Variants in NEDD8 observed in about 807,000 individuals in gnomAD.
NEDD8 encodes the protein NEDD8 ubiquitin like modifier.
A neutral mutation model predicts 13.8 loss-of-function variants in NEDD8; 1 was observed. The ratio of observed to expected loss-of-function variants is 0.07; its 90% CI spans 0.03 to 0.34. The LOEUF (loss-of-function observed/expected upper bound fraction) is 0.34, where lower values mean the gene tolerates loss of function less well. Ranked by LOEUF, NEDD8 falls within the 10% of genes least tolerant of loss-of-function variation. The probability of loss-of-function intolerance (pLI) is 0.99; values close to 1 mark genes in which losing one functional copy is unlikely to be tolerated. For missense variants in NEDD8, 10 were observed against 95.2 expected, an observed-to-expected ratio of 0.10 and a Z score of 3.73; for synonymous variants, 31 against 33.2, an observed-to-expected ratio of 0.93 and a Z score of 0.23.
chr14:24,226,155 C>T (rs550693638), intron 1 of NEDD8, among the ~76,000 whole-genome samples: 1 of 151,596 alleles, frequency 6.6e-6, no homozygotes, highest in African/African-American at 2.4e-5. Context: ...GATGTACAAC[C>T]AAGAAACAAT....
intron 1 of NEDD8, among the ~76,000 whole-genome samples, chr14:24,223,508 C>T (rs954585080): frequency 3.3e-5 from 5 of 151,916 alleles, no homozygotes; most frequent in African/African-American, 1.2e-4. Flanking sequence ...ATTTATACAC[C>T]CAACTTGTTC....
chr14:24,221,679 C>T (rs2039812587), intron 1 of NEDD8, among the ~76,000 whole-genome samples: 1 of 152,122 alleles, frequency 6.6e-6, no homozygotes, highest in Non-Finnish European at 1.5e-5. Context: ...CACCCTGCAA[C>T]CTCTGCCTCC....
At chr14:24,229,262 C>T (rs1360313549) in intron 1 of NEDD8, among the ~76,000 whole-genome samples, 1 of 152,204 alleles carries the variant, frequency 6.6e-6, no homozygotes, top group South Asian at 2.1e-4. Flanking sequence ...CTCTGTTGCC[C>T]AGGCTGGAGT....
intron 1 of NEDD8, among the ~76,000 whole-genome samples, chr14:24,230,769 C>G (rs1203592211): frequency 6.6e-6 from 1 of 151,902 alleles, no homozygotes; most frequent in African/African-American, 2.4e-5. Context: ...AGGCGCCCAC[C>G]ACCACGCCCG....
At chr14:24,230,466 C>A (rs1204540552) in intron 1 of NEDD8, among the ~76,000 whole-genome samples, 6 of 127,056 alleles carry the variant, frequency 4.7e-5, no homozygotes, top group Non-Finnish European at 9.5e-5. Flanking sequence ...ACCCGGGAGG[C>A]GAAGCTTGCA....
intron 1 of NEDD8, among the ~76,000 whole-genome samples, chr14:24,219,264 C>G (rs1001443043): frequency 5.9e-5 from 9 of 151,306 alleles, no homozygotes; most frequent in Non-Finnish European, 1.2e-4. Context: ...GAGTTCCAGA[C>G]CAGCCTGGAC....
intron 1 of NEDD8, among the ~76,000 whole-genome samples, chr14:24,230,614 T>C (rs1288471220): frequency 1.3e-5 from 2 of 149,388 alleles, no homozygotes; most frequent in African/African-American, 2.5e-5. Flanking sequence ...CCCTCTCTCT[T>C]TCTTTTTTTT....
chr14:24,227,784 CAG>C (rs2039917864), intron 1 of NEDD8: 1 of 152,176 alleles, frequency 6.6e-6, no homozygotes, highest in African/African-American at 2.4e-5. Flanking sequence ...GTCAGCTACA[CAG>C]AGACAGCAGT....
chr14:24,224,751 A>G (rs2039862062), intron 1 of NEDD8, among the ~76,000 whole-genome samples: 1 of 152,224 alleles, frequency 6.6e-6, no homozygotes. Flanking sequence ...GGAAGTACAT[A>G]CCACATCACC....
intron 1 of NEDD8, among the ~76,000 whole-genome samples, chr14:24,226,400 C>T (rs576240476): frequency 1.4e-5 from 2 of 146,314 alleles, no homozygotes; most frequent in African/African-American, 5.1e-5. Context: ...GAGCCGAGAT[C>T]GTGCCACCGC....
chr14:24,224,136 A>G (rs1335219215), intron 1 of NEDD8, among the ~76,000 whole-genome samples: 1 of 152,126 alleles, frequency 6.6e-6, no homozygotes, highest in Non-Finnish European at 1.5e-5. Flanking sequence ...TCACTGTGTT[A>G]GCCAGGATGG....
Position 24,216,996 on chromosome 14 carries a change from G to T in NEDD8, c.*131C>A. On this transcript the variant is annotated 3_prime_UTR_variant, in exon 4 of 4. Coordinates refer to ENST00000250495, the MANE Select transcript of NEDD8 (RefSeq NM_006156.3). ...AATACTGAATCCTGGGATCCTCACA[G>T]TCTCCCACCAGTAGACATACATTAC... 1.4e-6 allele frequency: 1 copy of T among 735,328 alleles called. No individual in the cohort carries two copies. The highest frequency in any genetic ancestry group is 2.2e-6 in the Non-Finnish European group (1 of 446,866). 45.6% of individuals were successfully genotyped at this position (735,328 alleles called of 1,614,324 possible). A position where few individuals can be genotyped will look rare whatever the true frequency, so the allele number is the denominator to read the frequency against.
chr14:24,225,995 C>T (rs192553642), intron 1 of NEDD8, among the ~76,000 whole-genome samples: 6 of 150,664 alleles, frequency 4.0e-5, no homozygotes, highest in Admixed American at 2.6e-4. Context: ...GCAGGGATCA[C>T]GCCACTGCAC....
chr14:24,228,581 T>C (rs2039935421), intron 1 of NEDD8: 1 of 151,722 alleles, frequency 6.6e-6, no homozygotes, highest in South Asian at 2.1e-4. Flanking sequence ...CTGGGTATGG[T>C]GGTAGCACAC....
intron 1 of NEDD8, chr14:24,231,830 GA>G (rs1430627179): frequency 5.5e-6 from 1 of 181,034 alleles, no homozygotes; most frequent in Non-Finnish European, 1.2e-5. Flanking sequence ...GCTGTGCTCG[GA>G]GGCGACCTAC....
At chr14:24,230,260 G>A (rs1296432936) in intron 1 of NEDD8, among the ~76,000 whole-genome samples, 1 of 145,498 alleles carries the variant, frequency 6.9e-6, no homozygotes, top group Admixed American at 6.9e-5. Context: ...AGGCACGGGG[G>A]AGGGTGGCTC....
chr14:24,230,021 C>G (rs1263714498), intron 1 of NEDD8, among the ~76,000 whole-genome samples: 2 of 150,714 alleles, frequency 1.3e-5, no homozygotes, highest in East Asian at 2.0e-4. Flanking sequence ...AGTGAGCCGA[C>G]ATTGCGCCAC....
rs75651157 is a variant in NEDD8 at position 24,225,432 on chromosome 14, G to A, written c.18+6818C>T. Reference sequence around the variant, plus strand: ...TTAAATTTTTGGATGTAAAAATTACGGTTATGTTAGAAAAAAGGTTATCTT... The same window carrying A: ...TTAAATTTTTGGATGTAAAAATTACAGTTATGTTAGAAAAAAGGTTATCTT... On this transcript the variant is annotated intron_variant, in intron 1 of 3. Transcript: ENST00000250495. Among the ~76,000 whole-genome samples the A allele has an allele frequency of 2.3e-3, 352 of 152,152 alleles. 9 individuals are homozygous for A. In the East Asian group the frequency reaches 0.039, roughly 17 times the overall value.
At chr14:24,225,133 C>T (rs1163805669) in intron 1 of NEDD8, among the ~76,000 whole-genome samples, 2 of 144,956 alleles carry the variant, frequency 1.4e-5, no homozygotes, top group South Asian at 4.3e-4. Flanking sequence ...GATTACACTG[C>T]TGCACTCCAG....
Sources: allele counts gnomAD v4.1 joint callset (sites outside exome capture counted in the v4.1 genomes callset), GRCh38; gene constraint gnomAD v4.1.1; transcripts MANE v1.5; gene names NCBI Gene and HGNC (gene_info 2026-07-23, HGNC 2026-07-21).